Variants in PHF24 observed in about 807,000 individuals in gnomAD.
PHF24 encodes the protein PHD finger protein 24.
In PHF24, 25 loss-of-function variants were observed where a neutral mutation model predicts 42.6. The observed-to-expected ratio is 0.59, with a 90% confidence interval of 0.43 to 0.82. PHF24 has a LOEUF of 0.82. Among genes scored for constraint, PHF24 ranks in the 40% least tolerant of loss-of-function variants. The probability of loss-of-function intolerance (pLI) is 0.00; values close to 1 mark genes in which losing one functional copy is unlikely to be tolerated. For synonymous variants in PHF24, 185 were observed against 204.8 expected, an observed-to-expected ratio of 0.90 and a Z score of 0.83; for missense variants, 470 against 538.1, an observed-to-expected ratio of 0.87 and a Z score of 1.25.
At chr9:34,743,532 G>A in the PHF24 span, among the ~76,000 whole-genome samples, 1 of 152,262 alleles carries the variant, frequency 6.6e-6, no homozygotes, top group Admixed American at 6.5e-5. Flanking sequence ...GAAATATGAG[G>A]ACCAATAATT....
At chr9:34,810,142 C>A in the PHF24 span, among the ~76,000 whole-genome samples, 57 of 152,094 alleles carry the variant, frequency 3.7e-4, 3 homozygotes, top group East Asian at 1.0e-2. Flanking sequence ...TAGAGTCCGC[C>A]GGCCCCGGAC....
chr9:34,917,371 TA>T, the PHF24 span: 1 of 781,768 alleles, frequency 1.3e-6, no homozygotes, highest in African/African-American at 1.7e-5. Flanking sequence ...GATGGCTCTA[TA>T]GTACTTTACA....
At chr9:34,677,667 G>A in the PHF24 span, among the ~76,000 whole-genome samples, 2 of 152,008 alleles carry the variant, frequency 1.3e-5, no homozygotes, top group African/African-American at 4.8e-5. Flanking sequence ...CAAAATGCTG[G>A]GATTACAGGT....
At chr9:34,741,273 C>T in the PHF24 span, among the ~76,000 whole-genome samples, 1 of 152,170 alleles carries the variant, frequency 6.6e-6, no homozygotes, top group Non-Finnish European at 1.5e-5. Flanking sequence ...ATCTTAAAGG[C>T]TGGCTACTAG....
the PHF24 span, among the ~76,000 whole-genome samples, chr9:34,763,931 C>A: frequency 1.3e-5 from 2 of 152,074 alleles, no homozygotes; most frequent in African/African-American, 2.4e-5. Context: ...TTGTCAAAGG[C>A]CTTTTCTGCA....
chr9:34,677,667 G>T, the PHF24 span, among the ~76,000 whole-genome samples: 3 of 152,008 alleles, frequency 2.0e-5, no homozygotes, highest in African/African-American at 7.3e-5. Flanking sequence ...CAAAATGCTG[G>T]GATTACAGGT....
chr9:34,717,541 G>T, the PHF24 span, among the ~76,000 whole-genome samples: 76 of 148,548 alleles, frequency 5.1e-4, 1 homozygote, highest in South Asian at 0.016. Context: ...GAAGAGGGCA[G>T]TGGACTCTCT....
chr9:34,851,554 C>G, the PHF24 span, among the ~76,000 whole-genome samples: 1 of 152,206 alleles, frequency 6.6e-6, no homozygotes, highest in South Asian at 2.1e-4. Flanking sequence ...TTGCACTTCC[C>G]GAGTGAGGCA....
At chr9:34,723,557 C>T in the PHF24 span, 4 of 1,551,762 alleles carry the variant, frequency 2.6e-6, no homozygotes, top group Non-Finnish European at 3.5e-6. Flanking sequence ...ATGCCCTTTG[C>T]CTTTTGTCTT....
the PHF24 span, among the ~76,000 whole-genome samples, chr9:34,766,390 T>C: frequency 9.9e-5 from 15 of 152,146 alleles, no homozygotes; most frequent in African/African-American, 3.6e-4. Flanking sequence ...CTTGGAGGCT[T>C]TATTAGTTTC....
At chr9:34,774,666 G>A in the PHF24 span, among the ~76,000 whole-genome samples, 2 of 151,996 alleles carry the variant, frequency 1.3e-5, no homozygotes, top group Non-Finnish European at 2.9e-5. Context: ...CCAACTATTT[G>A]GGAGGCTGAG....
exon 3 of PHF24, chr9:34,972,390 T>A: frequency 6.2e-7 from 1 of 1,613,982 alleles, no homozygotes; most frequent in Non-Finnish European, 8.5e-7. Context: ...TCTGGACAGC[T>A]GAGAGCCTCT....
At chr9:34,922,392 A>G in the PHF24 span, 5 of 1,428,252 alleles carry the variant, frequency 3.5e-6, no homozygotes, top group African/African-American at 7.0e-5. Context: ...GTCATAATAG[A>G]ACACGGAGAA....
At chr9:34,912,923 C>G in the PHF24 span, among the ~76,000 whole-genome samples, 36,203 of 152,074 alleles carry the variant, frequency 0.24, 4,461 homozygotes, top group South Asian at 0.27. Context: ...TTATGTGCAT[C>G]TTCCAGAAGG....
the PHF24 span, among the ~76,000 whole-genome samples, chr9:34,793,042 A>C: frequency 6.6e-6 from 1 of 152,178 alleles, no homozygotes; most frequent in Admixed American, 6.5e-5. Flanking sequence ...AAAATCATAA[A>C]ATATTTTTAT....
chr9:34,949,088 C>T, the PHF24 span, among the ~76,000 whole-genome samples: 1 of 152,164 alleles, frequency 6.6e-6, no homozygotes, highest in Non-Finnish European at 1.5e-5. Flanking sequence ...TTTAAACACT[C>T]CTCTCTCTGT....
the PHF24 span, among the ~76,000 whole-genome samples, chr9:34,827,810 C>T: frequency 6.6e-6 from 1 of 152,124 alleles, no homozygotes; most frequent in African/African-American, 2.4e-5. Context: ...TCTCCTCCCA[C>T]CCATATAACC....
the PHF24 span, among the ~76,000 whole-genome samples, chr9:34,948,828 A>T: frequency 6.6e-6 from 1 of 152,232 alleles, no homozygotes; most frequent in Non-Finnish European, 1.5e-5. Flanking sequence ...ACTTGTATAG[A>T]TAGATTAAAA....
the PHF24 span, among the ~76,000 whole-genome samples, chr9:34,811,922 A>G: frequency 9.9e-5 from 15 of 152,252 alleles, no homozygotes; most frequent in Admixed American, 9.2e-4. Flanking sequence ...TCCAGTATAT[A>G]TAAAGAACCC....
Sources: allele counts gnomAD v4.1 joint callset (sites outside exome capture counted in the v4.1 genomes callset), GRCh38; gene constraint gnomAD v4.1.1; transcripts MANE v1.5; gene names NCBI Gene and HGNC (gene_info 2026-07-23, HGNC 2026-07-21).